Variants in SH3GLB1 observed in about 807,000 individuals in gnomAD.
SH3GLB1 encodes SH3 domain containing GRB2 like, endophilin B1.
SH3GLB1 carries 17 observed loss-of-function variants against 42.0 expected under a neutral mutation model. The observed-to-expected ratio is 0.40, with a 90% CI of 0.28 to 0.61. SH3GLB1 has a LOEUF of 0.61. Ranked by LOEUF, SH3GLB1 falls within the 20% of genes least tolerant of loss-of-function variation. SH3GLB1 has a pLI of 0.36. For synonymous variants in SH3GLB1, 132 were observed against 146.6 expected (o/e 0.90, Z 0.72); for missense variants, 355 against 426.3 (o/e 0.83, Z 1.47).
At chr1:86,728,302 G>A in intron 5 of SH3GLB1, 1 of 487,440 alleles carries the variant, frequency 2.1e-6, no homozygotes, top group Non-Finnish European at 3.5e-6. Flanking sequence ...TATTTGATTG[G>A]CTCTTTTACT....
At chr1:86,721,062 T>G (rs1237089140) in intron 3 of SH3GLB1, among the ~76,000 whole-genome samples, 1 of 152,188 alleles carries the variant, frequency 6.6e-6, no homozygotes, top group Admixed American at 6.5e-5. Flanking sequence ...TTCACCAGGC[T>G]GAAGAAGGTT....
At chr1:86,718,293 G>A (rs532646308) in intron 2 of SH3GLB1, among the ~76,000 whole-genome samples, 9 of 151,972 alleles carry the variant, frequency 5.9e-5, no homozygotes, top group Non-Finnish European at 1.3e-4. Context: ...TGGTCTACCT[G>A]CCTTGGCCTC....
At chr1:86,722,010 CTTTTTTTTTTTTTT>C (rs377380040) in intron 3 of SH3GLB1, among the ~76,000 whole-genome samples, 1 of 111,640 alleles carries the variant, frequency 9.0e-6, no homozygotes, top group Non-Finnish European at 1.8e-5. Flanking sequence ...AGGCAACCAT[CTTTTTTTTTTTTTT>C]TTTTTTTTAA....
chr1:86,715,889 A>G (rs1472709705), intron 2 of SH3GLB1, 24 bp downstream of exon 2: 1 of 1,586,980 alleles, frequency 6.3e-7, no homozygotes, highest in Non-Finnish European at 8.5e-7. Flanking sequence ...CCTCTTGTGT[A>G]CCTTAAGTAC....
In SH3GLB1 at chr1:86,722,620, A is replaced by C. The variant is rs748766833; in HGVS notation, c.424A>C (p.Asn142His). 5.0e-6 allele frequency: 8 copies of C among 1,610,274 alleles called. No homozygotes were observed. The African/African-American group carries it at 9.4e-5, about 19-fold the overall frequency. ...DRELIQTSAL[N>H]FLTPLRNFIE... ...AGAACTGATTCAAACGTCAGCCTTA[A>C]ATTTTCTTACTCCTTTAAGAAACTT... Residue 142 changes from asparagine (N) to histidine (H), a missense_variant, in exon 4 of 9, where the codon AAT becomes CAT. Transcript: ENST00000370558.
rs1656153808 is a variant in SH3GLB1, at chr1:86,743,304, A to T, written c.*69A>T. On this transcript the variant is annotated 3_prime_UTR_variant, in exon 9 of 9. Coordinates refer to ENST00000370558, the MANE Select transcript of SH3GLB1 (RefSeq NM_016009.5). ...ATATACAATTAACTCTAAATAAAGC[A>T]GGTTAAGTATCTTCCATGTTAATGT... 9.6e-6 allele frequency: 10 copies of T among 1,046,930 alleles called. No individual in the cohort carries two copies. The highest frequency in any genetic ancestry group is 2.2e-4 in the Middle Eastern group (1 of 4,638). The allele number at this position is 1,046,930 out of a possible 1,614,324, so 64.9% of individuals were successfully genotyped here.
At chr1:86,731,198 T>C (rs1275833487) in intron 5 of SH3GLB1, among the ~76,000 whole-genome samples, 1 of 152,218 alleles carries the variant, frequency 6.6e-6, no homozygotes, top group Non-Finnish European at 1.5e-5. Context: ...CTTTTTTAAG[T>C]CTTCAGAAGC....
At chr1:86,742,458 A>C (rs1450003146) in intron 8 of SH3GLB1, 22 bp downstream of exon 8, 1 of 1,559,866 alleles carries the variant, frequency 6.4e-7, no homozygotes, top group Admixed American at 1.7e-5. Flanking sequence ...GGGTATGAGA[A>C]GGAAAATATA....
intron 1 of SH3GLB1, among the ~76,000 whole-genome samples, chr1:86,712,945 T>C (rs1654296200): frequency 6.6e-6 from 1 of 152,138 alleles, no homozygotes; most frequent in African/African-American, 2.4e-5. Flanking sequence ...GGAGGTAGTA[T>C]CATGAGAGTC....
chr1:86,713,937 C>T (rs1043465210), intron 1 of SH3GLB1, among the ~76,000 whole-genome samples: 1 of 152,150 alleles, frequency 6.6e-6, no homozygotes, highest in African/African-American at 2.4e-5. Context: ...TTGTTGGCTG[C>T]TGAAACCCAT....
In SH3GLB1 at chr1:86,747,889, C is replaced by G. The variant is rs944935773; in HGVS notation, c.*4654C>G. ...CCTGTTGGCAAAAAGAAAAAAGATT[C>G]AGTGAGAAAGAAAAATCACTGATAA... On this transcript the variant is annotated 3_prime_UTR_variant, in exon 9 of 9. Transcript: ENST00000370558. 3 of 152,184 alleles carry G rather than the reference C, an allele frequency of 2.0e-5. No homozygotes were observed. The highest frequency in any genetic ancestry group is 4.4e-5 in the Non-Finnish European group (3 of 68,040). 9.4% of individuals were successfully genotyped at this position (152,184 alleles called of 1,614,324 possible).
At chr1:86,723,646 C>G (rs1654993606) in intron 4 of SH3GLB1, among the ~76,000 whole-genome samples, 1 of 152,072 alleles carries the variant, frequency 6.6e-6, no homozygotes, top group South Asian at 2.1e-4. Context: ...TTGAAATTCC[C>G]TGAAGAATTC....
Position 86,742,436 on chromosome 1 carries a change from G to A in SH3GLB1, c.990G>A (p.Glu330=). 15 of 1,611,598 alleles carry A rather than the reference G, an allele frequency of 9.3e-6. No homozygotes were observed. Among genetic ancestry groups the A allele is most frequent in the Non-Finnish European group, 1.3e-5 (15 of 1,177,782 alleles). Residue 330 remains glutamate, a splice_region_variant and synonymous_variant, in exon 8 of 9, where the codon GAG becomes GAA. Transcript: ENST00000370558. ...NSTELSLLAD[E]VITVFSVVGM... ...CTGAATTATCACTTCTGGCAGATGAGGTGAGTATTGTGGGTATGAGAAGGA... is the reference window on the plus strand; with the variant it reads ...CTGAATTATCACTTCTGGCAGATGAAGTGAGTATTGTGGGTATGAGAAGGA...
At chr1:86,716,002 T>G (rs1654504652) in intron 2 of SH3GLB1, 137 bp downstream of exon 2, 1 of 836,782 alleles carries the variant, frequency 1.2e-6, no homozygotes, top group Admixed American at 3.4e-5. Flanking sequence ...TTTTTGTGTG[T>G]GCTTTTGTGA....
chr1:86,705,434 A>T (rs1653801681), intron 1 of SH3GLB1, among the ~76,000 whole-genome samples: 1 of 151,992 alleles, frequency 6.6e-6, no homozygotes, highest in African/African-American at 2.4e-5. Flanking sequence ...CCTTCAACCC[A>T]GAGAGCTGCC....
intron 7 of SH3GLB1, 104 bp from the exon 8 acceptor site, chr1:86,742,104 T>C: frequency 2.7e-6 from 2 of 742,846 alleles, no homozygotes; most frequent in East Asian, 2.7e-5. Context: ...TATAAATCTT[T>C]TCCAATGTGA....
chr1:86,732,373 G>A (rs1655556866), intron 5 of SH3GLB1, among the ~76,000 whole-genome samples: 1 of 152,188 alleles, frequency 6.6e-6, no homozygotes, highest in Non-Finnish European at 1.5e-5. Flanking sequence ...AGATTTTTTA[G>A]ACGACAGAAT....
chr1:86,736,973 A>G (rs1268770531), intron 7 of SH3GLB1, among the ~76,000 whole-genome samples: 3 of 152,228 alleles, frequency 2.0e-5, no homozygotes, highest in South Asian at 2.1e-4. Flanking sequence ...AATAGTTGCA[A>G]TAACAGTACC....
At chr1:86,727,361 G>GA (rs1184019632) in intron 5 of SH3GLB1, among the ~76,000 whole-genome samples, 1 of 151,886 alleles carries the variant, frequency 6.6e-6, no homozygotes, top group African/African-American at 2.4e-5. Flanking sequence ...ATACAGTTTT[G>GA]AAAAATAGAT....
Sources: gnomAD v4.1 joint callset for allele counts (sites outside exome capture counted in the v4.1 genomes callset) on GRCh38, gnomAD v4.1.1 for gene constraint, MANE v1.5 for transcripts, NCBI Gene and HGNC (gene_info 2026-07-23, HGNC 2026-07-21) for gene names.